The following ATXN1L variants were observed in gnomAD, a reference collection of about 807,000 sequenced individuals.
The protein encoded by ATXN1L is ataxin 1 like.
In ATXN1L, 8 loss-of-function variants were observed where a neutral mutation model predicts 43.4. That is an observed-to-expected ratio of 0.18 (90% CI 0.11 to 0.33). The LOEUF is 0.33. Ranked by LOEUF, ATXN1L falls within the 10% of genes least tolerant of loss-of-function variation. ATXN1L has a pLI of 1.00. For synonymous variants in ATXN1L, 379 were observed against 360.6 expected, an observed-to-expected ratio of 1.05 and a Z score of -0.58; for missense variants, 856 against 885.4, an observed-to-expected ratio of 0.97 and a Z score of 0.42.
intron 1 of ATXN1L, 59 bp from the exon 2 acceptor site, chr16:71,847,951 C>T (rs930869208): frequency 3.1e-5 from 14 of 450,434 alleles, no homozygotes; most frequent in South Asian, 2.0e-4. Context: ...TTCATGGTGA[C>T]CCTGGGGAGA....
chr16:71,846,290 T>C (rs2033441921), intron 1 of ATXN1L, among the ~76,000 whole-genome samples, 186 bp downstream of exon 1: 1 of 152,064 alleles, frequency 6.6e-6, no homozygotes. Context: ...GAAGGTGGCC[T>C]CAGGCCCCGG....
chr16:71,850,260 T>A lies in ATXN1L; in HGVS notation c.520T>A (p.Phe174Ile). Residue 174 changes from phenylalanine to isoleucine, a missense_variant, in exon 3 of 3, where the codon TTT (phenylalanine) becomes ATT (isoleucine). Physicochemically the swap from Phe to Ile is conservative, Grantham distance 21 (BLOSUM62 0). Transcript: ENST00000427980. ...ANLATSHLPH[F>I]VPYASLLAEG... ...CCTTGCCACCTCTCACCTTCCACACTTTGTGCCATATGCCTCACTTCTGGC... is the reference window on the plus strand; with the variant it reads ...CCTTGCCACCTCTCACCTTCCACACATTGTGCCATATGCCTCACTTCTGGC... The A allele has an allele frequency of 6.4e-7, 1 of 1,551,618 alleles. No homozygotes were observed. Among genetic ancestry groups the A allele is most frequent in the South Asian group, 1.2e-5 (1 of 84,056 alleles).
rs1027918984 is a variant in ATXN1L at position 71,854,789 on chromosome 16, T to A, written c.*2979T>A. 3 of 166,986 alleles carry A rather than the reference T, an allele frequency of 1.8e-5. No homozygotes were observed. The highest frequency in any genetic ancestry group is 7.2e-5 in the African/African-American group (3 of 41,442). The allele number at this position is 166,986 out of a possible 1,614,324, so 10.3% of individuals were successfully genotyped here. A position where few individuals can be genotyped will look rare whatever the true frequency, so the allele number is the denominator to read the frequency against. On this transcript the variant is annotated 3_prime_UTR_variant, in exon 3 of 3. Coordinates refer to ENST00000427980, the MANE Select transcript of ATXN1L (RefSeq NM_001137675.4). ...GAATAGAAAGGAGGACTGCTGACTG[T>A]CTGGCGCTGTATAAAAATGTGTATA...
In ATXN1L at chr16:71,854,894, A is replaced by G. The variant is rs1811973968; in HGVS notation, c.*3084A>G. The stretch of plus-strand genomic sequence containing the variant: ...ATCATTCCTATCAAGATTAGTATAC[A>G]TGAGGAAGAGGTGGCATGGGGGGAA... On this transcript the variant is annotated 3_prime_UTR_variant, in exon 3 of 3. Coordinates refer to ENST00000427980, the MANE Select transcript of ATXN1L (RefSeq NM_001137675.4). 6.0e-6 allele frequency: 1 copy of G among 167,160 alleles called. No homozygotes were observed. Among genetic ancestry groups the G allele is most frequent in the African/African-American group, 2.4e-5 (1 of 41,466 alleles). The allele number at this position is 167,160 out of a possible 1,614,324, so 10.4% of individuals were successfully genotyped here. A position where few individuals can be genotyped will look rare whatever the true frequency, so the allele number is the denominator to read the frequency against.
Position 71,850,290 on chromosome 16 carries a change from G to A in ATXN1L, c.550G>A (p.Gly184Arg), listed in dbSNP as rs1451951957. Residue 184 changes from glycine (G) to arginine (R), a missense_variant, in exon 3 of 3, where the codon GGA (glycine) becomes AGA (arginine). Around this residue, in one of 7 missense-constraint regions of ATXN1L, gnomAD observed 490 missense variants for 449.4 expected, o/e 1.09. Coordinates refer to ENST00000427980, the MANE Select transcript of ATXN1L (RefSeq NM_001137675.4). The stretch of plus-strand genomic sequence containing the variant: ...GCCATATGCCTCACTTCTGGCTGAA[G>A]GAGCCACTCCTCCCCCACAGGCTCC... The part of the protein sequence containing the change: ...FVPYASLLAE[G>R]ATPPPQAPSP... The A allele has an allele frequency of 6.4e-7, 1 of 1,551,490 alleles. No individual in the cohort carries two copies.
At position 71,851,140 on chromosome 16, in the gene ATXN1L, C is replaced by A; in HGVS notation, c.1400C>A (p.Ser467Tyr). The change falls in exon 3 of 3, where the codon TCC (serine) becomes TAC (tyrosine). Residue 467 changes from serine to tyrosine, a missense_variant. Physicochemically the swap from Ser to Tyr is moderately radical, Grantham distance 144. Around this residue, in one of 7 missense-constraint regions of ATXN1L, gnomAD observed 22 missense variants for 49.3 expected, o/e 0.45. Coordinates refer to ENST00000427980, the MANE Select transcript of ATXN1L (RefSeq NM_001137675.4). The surrounding 1 kb of genome is among the most constrained non-coding windows in gnomAD (Gnocchi z 4.9). ...PPPITSSHLPSHFMKGAIIQL... is the reference protein window; with the variant it reads ...PPPITSSHLPYHFMKGAIIQL... The stretch of plus-strand genomic sequence containing the variant: ...CCCATTACCTCCTCTCACTTGCCTT[C>A]CCATTTCATGAAAGGCGCCATCATC... 2 of 1,551,662 alleles carry A rather than the reference C, an allele frequency of 1.3e-6. No individual in the cohort carries two copies. Among genetic ancestry groups the A allele is most frequent in the Non-Finnish European group, 1.7e-6 (2 of 1,146,988 alleles).
At chr16:71,846,327 C>A (rs939946680) in intron 1 of ATXN1L, among the ~76,000 whole-genome samples, 6 of 152,210 alleles carry the variant, frequency 3.9e-5, no homozygotes, top group Admixed American at 6.5e-5. Context: ...TGCCTGCGAG[C>A]CAAGGTGTCC....
Position 71,851,822 on chromosome 16 carries a change from A to C in ATXN1L, c.*12A>C. 1 of 1,425,154 alleles carries C rather than the reference A, an allele frequency of 7.0e-7. No individual in the cohort carries two copies. Among genetic ancestry groups the C allele is most frequent in the South Asian group, 1.7e-5 (1 of 59,820 alleles). 88.3% of individuals were successfully genotyped at this position (1,425,154 alleles called of 1,614,324 possible). ...ATGCGGGAAAATGAACCTCTTCCCC[A>C]GACCAGGACTGGGGCTTTACCCCAG... On this transcript the variant is annotated 3_prime_UTR_variant, in exon 3 of 3. Transcript: ENST00000427980. This position sits in a 1 kb window ranked among gnomAD's most constrained non-coding sequence, Gnocchi z 4.9.
intron 1 of ATXN1L, among the ~76,000 whole-genome samples, chr16:71,846,779 C>T (rs961222776): frequency 2.6e-5 from 4 of 151,882 alleles, no homozygotes; most frequent in African/African-American, 9.7e-5. Flanking sequence ...GAACCTGGCG[C>T]ACAGGCTTGG....
chr16:71,850,381 A>G lies in ATXN1L; in HGVS notation c.641A>G (p.His214Arg). The G allele has an allele frequency of 6.4e-7, 1 of 1,551,590 alleles. No homozygotes were observed. Among genetic ancestry groups the G allele is most frequent in the Non-Finnish European group, 8.7e-7 (1 of 1,146,980 alleles). ...TCCCCATCTGGGCAATTGCCACATC[A>G]TTCAAGTACTCAGCCGCTGGACCTT... ...ATSPSGQLPH[H>R]SSTQPLDLAP... Residue 214 changes from histidine to arginine, a missense_variant, in exon 3 of 3, where the codon CAT becomes CGT. Physicochemically the swap from His to Arg is conservative, Grantham distance 29. Coordinates refer to ENST00000427980, the MANE Select transcript of ATXN1L (RefSeq NM_001137675.4).
At position 71,855,224 on chromosome 16, in the gene ATXN1L, G is replaced by C. The variant is rs1197352515; in HGVS notation, c.*3414G>C. On this transcript the variant is annotated 3_prime_UTR_variant, in exon 3 of 3. Coordinates refer to ENST00000427980, the MANE Select transcript of ATXN1L (RefSeq NM_001137675.4). ...GGATGGTATGAAATGCTGCTGGTGG[G>C]CTGGTAAATCCAAAGGGATAAGGCT... The C allele has an allele frequency of 6.0e-6, 1 of 167,200 alleles. No individual in the cohort carries two copies. Among genetic ancestry groups the C allele is most frequent in the African/African-American group, 2.4e-5 (1 of 41,480 alleles). 10.4% of individuals were successfully genotyped at this position (167,200 alleles called of 1,614,324 possible).
Position 71,851,138 on chromosome 16 carries a change from T to C in ATXN1L, c.1398T>C (p.Pro466=). 6.4e-7 allele frequency: 1 copy of C among 1,551,580 alleles called. No individual in the cohort carries two copies. The highest frequency in any genetic ancestry group is 8.7e-7 in the Non-Finnish European group (1 of 1,146,972). Residue 466 remains proline, a synonymous_variant, in exon 3 of 3, where the codon CCT becomes CCC. Coordinates refer to ENST00000427980, the MANE Select transcript of ATXN1L (RefSeq NM_001137675.4). This position sits in a 1 kb window ranked among gnomAD's most constrained non-coding sequence, Gnocchi z 4.9. ...TPPPITSSHL[P]SHFMKGAIIQ... ...CCCCCATTACCTCCTCTCACTTGCC[T>C]TCCCATTTCATGAAAGGCGCCATCA... is the stretch of plus-strand genomic sequence containing the variant.
At position 71,854,740 on chromosome 16, in the gene ATXN1L, CAGT is replaced by C. The variant is rs1045514425; in HGVS notation, c.*2933_*2935del. 20 of 166,986 alleles carry C rather than the reference CAGT, an allele frequency of 1.2e-4. No homozygotes were observed. The highest frequency in any genetic ancestry group is 4.1e-4 in the African/African-American group (17 of 41,394). 10.3% of individuals were successfully genotyped at this position (166,986 alleles called of 1,614,324 possible). A position where few individuals can be genotyped will look rare whatever the true frequency, so the allele number is the denominator to read the frequency against. On this transcript the variant is annotated 3_prime_UTR_variant, in exon 3 of 3. Transcript: ENST00000427980. ...AGGGCCAGAGCCTGTCCCTTGTCAG[CAGT>C]AGGACATTTCCAGCTCTTAGGAATA...
intron 2 of ATXN1L, chr16:71,848,291 G>A (rs1243238047): frequency 1.4e-5 from 4 of 292,288 alleles, no homozygotes; most frequent in South Asian, 8.3e-5. Context: ...GACAATAAGA[G>A]AAAAGGGAAA....
At position 71,851,756 on chromosome 16, in the gene ATXN1L, C is replaced by G. The variant is rs570235676; in HGVS notation, c.2016C>G (p.Phe672Leu). The change falls in exon 3 of 3, where the codon TTC (phenylalanine) becomes TTG (leucine). Residue 672 changes from phenylalanine to leucine, a missense_variant. Phe to Leu is a conservative substitution (Grantham distance 22). Coordinates refer to ENST00000427980, the MANE Select transcript of ATXN1L (RefSeq NM_001137675.4). The surrounding 1 kb of genome is among the most constrained non-coding windows in gnomAD (Gnocchi z 4.9). The stretch of plus-strand genomic sequence containing the variant: ...GGGCTGCGCTGCTCCGTCCCTCTTT[C>G]ATTCCACAGGAGGTAAAGCTGTCCA... Reference protein sequence around the residue: ...EARAALLRPSFIPQEVKLSIE... With the variant: ...EARAALLRPSLIPQEVKLSIE... 6.9e-7 allele frequency: 1 copy of G among 1,449,602 alleles called. No individual in the cohort carries two copies. The highest frequency in any genetic ancestry group is 9.1e-7 in the Non-Finnish European group (1 of 1,096,978). The allele number at this position is 1,449,602 out of a possible 1,614,324, so 89.8% of individuals were successfully genotyped here.
At position 71,850,567 on chromosome 16, in the gene ATXN1L, A is replaced by C; in HGVS notation, c.827A>C (p.Glu276Ala). 6.4e-7 allele frequency: 1 copy of C among 1,551,662 alleles called. No individual in the cohort carries two copies. Among genetic ancestry groups the C allele is most frequent in the Non-Finnish European group, 8.7e-7 (1 of 1,146,996 alleles). ...GCAAATGGAGGACAGAGACCACGAG[A>C]GCGAAATTTAGTAAGACGGGAAAGT... The part of the protein sequence containing the change: ...AAANGGQRPR[E>A]RNLVRRESEA... The change falls in exon 3 of 3, where the codon GAG becomes GCG. Residue 276 changes from glutamate (E) to alanine (A), a missense_variant. Around this residue, in one of 7 missense-constraint regions of ATXN1L, gnomAD observed 490 missense variants for 449.4 expected, o/e 1.09. Transcript: ENST00000427980.
At position 71,851,462 on chromosome 16, in the gene ATXN1L, A is replaced by C. The variant is rs1481680897; in HGVS notation, c.1722A>C (p.Gly574=). The C allele has an allele frequency of 1.3e-6, 2 of 1,551,402 alleles. No individual in the cohort carries two copies. Among genetic ancestry groups the C allele is most frequent in the Non-Finnish European group, 1.7e-6 (2 of 1,146,928 alleles). The stretch of plus-strand genomic sequence containing the variant: ...TGCCCTGCCATCGGCTACAGGTGGG[A>C]GATGTCTGCATCTCTATCAGTTTAC... ...FSLPCHRLQV[G]DVCISISLQS... is the part of the protein sequence containing the mutation. Residue 574 remains glycine, a synonymous_variant, in exon 3 of 3, where the codon GGA becomes GGC. Transcript: ENST00000427980. This position sits in a 1 kb window ranked among gnomAD's most constrained non-coding sequence, Gnocchi z 4.9.
chr16:71,855,463 T>A lies in ATXN1L; in HGVS notation c.*3653T>A, dbSNP rs2033542460. 1 of 167,034 alleles carries A rather than the reference T, an allele frequency of 6.0e-6. No individual in the cohort carries two copies. Among genetic ancestry groups the A allele is most frequent in the African/African-American group, 2.4e-5 (1 of 41,436 alleles). 10.3% of individuals were successfully genotyped at this position (167,034 alleles called of 1,614,324 possible). On this transcript the variant is annotated 3_prime_UTR_variant, in exon 3 of 3. Transcript: ENST00000427980. ...AGCTCCAGTTAGGTGGATTCTGGAGTTCGGAGAGGGTTTAAAGTTTGGCTG... is the reference window on the plus strand; with the variant it reads ...AGCTCCAGTTAGGTGGATTCTGGAGATCGGAGAGGGTTTAAAGTTTGGCTG...
At chr16:71,846,375 C>G (rs1347871357) in intron 1 of ATXN1L, among the ~76,000 whole-genome samples, 1 of 152,258 alleles carries the variant, frequency 6.6e-6, no homozygotes, top group Non-Finnish European at 1.5e-5. Context: ...AACAAGGAAG[C>G]GTCGCCTGCA....
Sources: gnomAD v4.1 joint callset for allele counts (sites outside exome capture counted in the v4.1 genomes callset) on GRCh38, gnomAD v4.1.1 for gene constraint, gnomAD v4.1.1 regional missense constraint, Gnocchi (gnomAD v3.1) non-coding constraint, MANE v1.5 for transcripts, NCBI Gene and HGNC (gene_info 2026-07-23, HGNC 2026-07-21) for gene names.